The following RASAL2 variants were observed in gnomAD, a reference collection of about 807,000 sequenced individuals.
RASAL2 encodes RAS protein activator like 2, also known as ras GTPase-activating protein nGAP.
Under a neutral mutation model 128.9 loss-of-function variants are expected in RASAL2, and 58 were observed. That is an observed-to-expected ratio of 0.45 (90% CI 0.36 to 0.56). The LOEUF (loss-of-function observed/expected upper bound fraction) is 0.56. Among genes scored for constraint, RASAL2 ranks in the 20% least tolerant of loss-of-function variants. RASAL2 has a pLI of 0.00. For synonymous variants in RASAL2, 561 were observed against 580.8 expected (o/e 0.97, Z 0.49); for missense variants, 1,360 against 1,601.6 (o/e 0.85, Z 2.57).
chr1:178,282,114 G>A (rs1420508293), intron 1 of RASAL2, among the ~76,000 whole-genome samples: 1 of 152,094 alleles, frequency 6.6e-6, no homozygotes, highest in Non-Finnish European at 1.5e-5. Context: ...TGCATAGTGC[G>A]GAGGAGATAC....
chr1:178,443,047 A>G lies in RASAL2; in HGVS notation c.1300A>G (p.Ile434Val). The G allele has an allele frequency of 6.2e-7, 1 of 1,614,072 alleles. No individual in the cohort carries two copies. The highest frequency in any genetic ancestry group is 1.1e-5 in the South Asian group (1 of 91,082). ...AAAGACAGGAGGACCTTCTATTCGG[A>G]TTAAATCACGTTTCCAAACTATCAC... ...KGKTGGPSIR[I>V]KSRFQTITIL... The change falls in exon 8 of 18, where the codon ATT becomes GTT. Residue 434 changes from isoleucine to valine, a missense_variant. Ile to Val is a conservative substitution (Grantham distance 29). Coordinates refer to ENST00000367649, the MANE Select transcript of RASAL2 (RefSeq NM_170692.4).
chr1:178,339,809 C>T (rs1345743766), intron 3 of RASAL2, among the ~76,000 whole-genome samples: 1 of 152,126 alleles, frequency 6.6e-6, no homozygotes, highest in Non-Finnish European at 1.5e-5. Context: ...TTAGGTTGAA[C>T]TGTATAAAAA....
chr1:178,319,153 C>T (rs955661300), intron 3 of RASAL2, among the ~76,000 whole-genome samples: 16 of 152,042 alleles, frequency 1.1e-4, no homozygotes, highest in Admixed American at 5.9e-4. Context: ...GGATTTCTGC[C>T]GAGAGATCCG....
intron 3 of RASAL2, among the ~76,000 whole-genome samples, chr1:178,361,416 C>CT (rs1250778941): frequency 6.6e-6 from 1 of 151,676 alleles, no homozygotes; most frequent in Non-Finnish European, 1.5e-5. Context: ...AAACCCTTGA[C>CT]TTTTTTTTGA....
intron 4 of RASAL2, among the ~76,000 whole-genome samples, chr1:178,411,229 A>G (rs1441905967): frequency 6.6e-6 from 1 of 152,100 alleles, no homozygotes; most frequent in East Asian, 1.9e-4. Context: ...ACAAAAAGGA[A>G]CGAAATAATG....
intron 3 of RASAL2, chr1:178,389,454 C>A: frequency 5.1e-6 from 1 of 196,340 alleles, no homozygotes; most frequent in Non-Finnish European, 9.2e-6. Flanking sequence ...ATCACATTAT[C>A]TGCAAAATCC....
intron 1 of RASAL2, among the ~76,000 whole-genome samples, chr1:178,239,471 A>G (rs1423675609): frequency 2.0e-5 from 3 of 152,094 alleles, no homozygotes; most frequent in African/African-American, 7.2e-5. Flanking sequence ...TGGCAGAATA[A>G]TATGCAATAA....
chr1:178,419,655 A>G (rs541938801), intron 4 of RASAL2, among the ~76,000 whole-genome samples: 2 of 152,284 alleles, frequency 1.3e-5, no homozygotes, highest in South Asian at 4.1e-4. Flanking sequence ...AAATTTCTTG[A>G]AAGTAGTGAC....
intron 12 of RASAL2, chr1:178,456,451 C>A: frequency 1.9e-6 from 1 of 523,616 alleles, no homozygotes; most frequent in Non-Finnish European, 3.5e-6. Flanking sequence ...TTGAGCATGT[C>A]TTTTAATTTT....
intron 1 of RASAL2, among the ~76,000 whole-genome samples, chr1:178,160,910 GAAAGA>G (rs1429824499): frequency 2.0e-5 from 3 of 152,090 alleles, no homozygotes; most frequent in Non-Finnish European, 4.4e-5. Context: ...ATGATTTTCC[GAAAGA>G]ATTTGACACT....
At chr1:178,179,035 T>G (rs1661987674) in intron 1 of RASAL2, among the ~76,000 whole-genome samples, 1 of 152,206 alleles carries the variant, frequency 6.6e-6, no homozygotes, top group Non-Finnish European at 1.5e-5. Flanking sequence ...TTACTGATAT[T>G]ATTTGAAGTC....
intron 1 of RASAL2, among the ~76,000 whole-genome samples, chr1:178,221,424 C>A (rs1663609931): frequency 6.6e-6 from 1 of 152,096 alleles, no homozygotes; most frequent in African/African-American, 2.4e-5. Context: ...CCTATAAGTA[C>A]AGTTTTCACT....
chr1:178,131,374 TC>T lies in RASAL2; in HGVS notation c.202+36681del, dbSNP rs1408028484. 1.1e-3 allele frequency among the ~76,000 whole-genome samples: 150 copies of T among 130,694 alleles called. 1 individual carries two copies. Among genetic ancestry groups the T allele is most frequent in the African/African-American group, 4.3e-3 (144 of 33,760 alleles). The allele number at this position is 130,694 out of a possible 152,430, so 85.7% of individuals were successfully genotyped here. Reference sequence around the variant, plus strand: ...GTCGTGCACTACCACGCCTGGATAATCTTTTTTTTTTTTTTTTTTTTTTTTT... The same window carrying T: ...GTCGTGCACTACCACGCCTGGATAATTTTTTTTTTTTTTTTTTTTTTTTTT... On this transcript the variant is annotated intron_variant, in intron 1 of 17. Coordinates refer to ENST00000367649, the MANE Select transcript of RASAL2 (RefSeq NM_170692.4).
intron 1 of RASAL2, among the ~76,000 whole-genome samples, chr1:178,257,453 G>A (rs482169): frequency 0.24 from 35,649 of 151,270 alleles, 5,286 homozygotes; most frequent in Middle Eastern, 0.36. Flanking sequence ...GTGTGTGTGT[G>A]TGTAGAAATA....
At chr1:178,391,717 A>C (rs750821086) in intron 4 of RASAL2, among the ~76,000 whole-genome samples, 4 of 152,240 alleles carry the variant, frequency 2.6e-5, no homozygotes, top group Non-Finnish European at 5.9e-5. Context: ...TTGTTTATGC[A>C]ATATCTGAAT....
intron 9 of RASAL2, among the ~76,000 whole-genome samples, chr1:178,450,682 A>C (rs1325732713): frequency 6.6e-6 from 1 of 152,148 alleles, no homozygotes; most frequent in Non-Finnish European, 1.5e-5. Context: ...TCTTTGAAAG[A>C]TCCACTCCTC....
chr1:178,259,279 C>T (rs1175134140), intron 1 of RASAL2, among the ~76,000 whole-genome samples: 5 of 150,966 alleles, frequency 3.3e-5, no homozygotes, highest in African/African-American at 7.3e-5. Context: ...TACAGGCGCC[C>T]GCCACCACGC....
At chr1:178,268,096 G>A (rs990262591) in intron 1 of RASAL2, among the ~76,000 whole-genome samples, 3 of 151,844 alleles carry the variant, frequency 2.0e-5, no homozygotes, top group African/African-American at 7.3e-5. Context: ...GTTGTGGAAA[G>A]GCAGGAGAAT....
chr1:178,393,844 A>G (rs1673059569), intron 4 of RASAL2, among the ~76,000 whole-genome samples: 1 of 152,224 alleles, frequency 6.6e-6, no homozygotes, highest in African/African-American at 2.4e-5. Flanking sequence ...TAGATAAAAT[A>G]TGCATGAATT....
Sources: gnomAD v4.1 joint callset for allele counts (sites outside exome capture counted in the v4.1 genomes callset) on GRCh38, gnomAD v4.1.1 for gene constraint, MANE v1.5 for transcripts, NCBI Gene and HGNC (gene_info 2026-07-23, HGNC 2026-07-21) for gene names.